Variants in CCDC93 observed in about 807,000 individuals in gnomAD.
CCDC93 encodes coiled-coil domain-containing protein 93.
Under a neutral mutation model 108.2 loss-of-function variants are expected in CCDC93, and 61 were observed. The ratio of observed to expected loss-of-function variants is 0.56; its 90% confidence interval spans 0.46 to 0.70. The LOEUF (loss-of-function observed/expected upper bound fraction) is 0.70. Among genes scored for constraint, CCDC93 ranks in the 30% least tolerant of loss-of-function variants. The pLI, the probability that CCDC93 is intolerant of heterozygous loss-of-function variation, is 0.00. For missense variants in CCDC93, 685 were observed against 764.2 expected, an observed-to-expected ratio of 0.90 and a Z score of 1.22; for synonymous variants, 276 against 260.4, an observed-to-expected ratio of 1.06 and a Z score of -0.58.
At chr2:117,935,791 A>C in intron 21 of CCDC93, 2 of 404,786 alleles carry the variant, frequency 4.9e-6, no homozygotes, top group Non-Finnish European at 8.8e-6. Flanking sequence ...TGGTCTTATA[A>C]TTGCATGTTA....
intron 10 of CCDC93, 137 bp downstream of exon 10, chr2:117,974,713 G>T (rs996218748): frequency 1.4e-5 from 9 of 654,464 alleles, no homozygotes; most frequent in African/African-American, 7.3e-5. Context: ...ATTAACAAAA[G>T]GAACTCCCTG....
chr2:117,995,981 T>A (rs1680634074), intron 5 of CCDC93, among the ~76,000 whole-genome samples: 1 of 151,946 alleles, frequency 6.6e-6, no homozygotes, highest in South Asian at 2.1e-4. Context: ...ATTAAATTGT[T>A]ACTATAGGAT....
chr2:117,923,820 G>A (rs1677976860), intron 23 of CCDC93, among the ~76,000 whole-genome samples: 1 of 108,064 alleles, frequency 9.3e-6, no homozygotes, highest in African/African-American at 3.7e-5. Context: ...CTGAGAATGG[G>A]CAGACTGCTT....
At chr2:117,969,756 C>G (rs543939690) in intron 11 of CCDC93, among the ~76,000 whole-genome samples, 2 of 152,308 alleles carry the variant, frequency 1.3e-5, no homozygotes, top group Non-Finnish European at 2.9e-5. Flanking sequence ...CAAAAATGAC[C>G]AAATATCCCC....
chr2:117,950,031 G>T (rs1679003526), intron 13 of CCDC93: 4 of 985,398 alleles, frequency 4.1e-6, no homozygotes, highest in Non-Finnish European at 4.8e-6. Flanking sequence ...GCAGGGCGGG[G>T]TCCCACATAG....
intron 11 of CCDC93, among the ~76,000 whole-genome samples, chr2:117,959,013 A>G (rs1165892013): frequency 6.6e-6 from 1 of 152,172 alleles, no homozygotes; most frequent in Non-Finnish European, 1.5e-5. Flanking sequence ...GATTGATTGG[A>G]AAGGGATTAA....
At position 117,920,361 on chromosome 2, in the gene CCDC93, C is replaced by G. The variant is rs752889824; in HGVS notation, c.1878G>C (p.Val626=). The change falls in exon 24 of 24, where the codon GTG becomes GTC. Residue 626 remains valine, a synonymous_variant. Transcript: ENST00000376300. ...GGGATGTTCAGGAGGCCTTCGCTTT[C>G]ACCTTGGACAGCAGCATCTCGTTCT... ...GRKNEMLLSK[V]KAKAS 4.3e-6 allele frequency: 7 copies of G among 1,613,184 alleles called. No homozygotes were observed. In the African/African-American group the frequency reaches 9.3e-5, roughly 22 times the overall value.
rs1680811941 is a variant in CCDC93 at position 118,000,510 on chromosome 2, C to G, written c.363+311G>C. Among the ~76,000 whole-genome samples, 3 of 152,250 alleles carry G rather than the reference C, an allele frequency of 2.0e-5. No homozygotes were observed. In the South Asian group the frequency reaches 6.2e-4, roughly 32 times the overall value. ...AACAAAGAAAAGCAAGGAATGAAAT[C>G]AAGCTGGATAGGTCAAAAGGGAACA... On this transcript the variant is annotated intron_variant, in intron 4 of 23. Transcript: ENST00000376300.
At chr2:117,987,469 G>C (rs1231439899) in intron 6 of CCDC93, among the ~76,000 whole-genome samples, 3 of 152,156 alleles carry the variant, frequency 2.0e-5, no homozygotes, top group Non-Finnish European at 4.4e-5. Context: ...AATATCAGGG[G>C]TTTACAGGCC....
intron 11 of CCDC93, among the ~76,000 whole-genome samples, chr2:117,970,211 AG>A (rs1679718685): frequency 6.6e-6 from 1 of 152,262 alleles, no homozygotes; most frequent in Non-Finnish European, 1.5e-5. Flanking sequence ...TACTCAGTTT[AG>A]CTATAAGACA....
intron 23 of CCDC93, among the ~76,000 whole-genome samples, chr2:117,925,068 T>C (rs1678030381): frequency 6.6e-6 from 1 of 152,000 alleles, no homozygotes; most frequent in Non-Finnish European, 1.5e-5. Flanking sequence ...GAAAAACAAA[T>C]GCTGAGAGAT....
intron 1 of CCDC93, among the ~76,000 whole-genome samples, chr2:118,010,247 G>C (rs555196456): frequency 1.3e-5 from 2 of 152,070 alleles, no homozygotes; most frequent in African/African-American, 4.8e-5. Context: ...GAGCCATCGC[G>C]CCTGGCCGTA....
chr2:117,921,285 T>G (rs1020165721), intron 23 of CCDC93, among the ~76,000 whole-genome samples: 3 of 152,100 alleles, frequency 2.0e-5, no homozygotes, highest in Admixed American at 6.5e-5. Context: ...TCCCATCCTC[T>G]GCCTGTAGAA....
chr2:117,946,767 G>T (rs115585921), intron 16 of CCDC93, 44 bp downstream of exon 16: 3 of 1,386,622 alleles, frequency 2.2e-6, no homozygotes, highest in African/African-American at 1.4e-5. Context: ...TCTTTTTCCC[G>T]TAATAGCACC....
rs145108443 is a variant in CCDC93, at chr2:117,996,357, C to T, written c.369G>A (p.Leu123=). ...CTTTTGTTTCTATAGCTCGTTTCAC[C>T]AGCCACTGGGGAAGAAAGTGAAAAG... The part of the protein sequence containing the change: ...FIHIFPVVQW[L]VKRAIETKEE... The change falls in exon 5 of 24, where the codon CTG becomes CTA. Residue 123 remains leucine (L), a synonymous_variant. Coordinates refer to ENST00000376300, the MANE Select transcript of CCDC93 (RefSeq NM_019044.5). 10 of 1,610,344 alleles carry T rather than the reference C, an allele frequency of 6.2e-6. No homozygotes were observed. In the African/African-American group the frequency reaches 1.1e-4, roughly 17 times the overall value.
At chr2:117,944,570 A>G (rs1329459294) in intron 17 of CCDC93, among the ~76,000 whole-genome samples, 1 of 151,770 alleles carries the variant, frequency 6.6e-6, no homozygotes, top group East Asian at 1.9e-4. Context: ...AGAAAATAGA[A>G]ACTAGTCCCT....
chr2:118,007,520 T>G (rs1676909602), intron 2 of CCDC93, among the ~76,000 whole-genome samples: 1 of 151,980 alleles, frequency 6.6e-6, no homozygotes, highest in Non-Finnish European at 1.5e-5. Context: ...GATGCAAAAA[T>G]TAGTCGGGCA....
intron 11 of CCDC93, among the ~76,000 whole-genome samples, chr2:117,963,849 C>T (rs192138203): frequency 8.5e-5 from 13 of 152,300 alleles, no homozygotes; most frequent in Non-Finnish European, 1.2e-4. Context: ...GCAAGTGATG[C>T]TTTAAGTGAT....
chr2:117,937,692 C>G (rs1328247672), intron 20 of CCDC93, among the ~76,000 whole-genome samples: 1 of 152,164 alleles, frequency 6.6e-6, no homozygotes, highest in East Asian at 1.9e-4. Context: ...TGGCCTATCC[C>G]TAAGTCAGGG....
Sources: gnomAD v4.1 joint callset for allele counts (sites outside exome capture counted in the v4.1 genomes callset) on GRCh38, gnomAD v4.1.1 for gene constraint, MANE v1.5 for transcripts, NCBI Gene and HGNC (gene_info 2026-07-23, HGNC 2026-07-21) for gene names.